Variants in ACP2 observed in about 807,000 individuals in gnomAD.
The protein encoded by ACP2 is acid phosphatase 2, lysosomal.
Under a neutral mutation model 54.7 loss-of-function variants are expected in ACP2, and 35 were observed. The observed-to-expected ratio is 0.64, with a 90% CI of 0.49 to 0.85. The LOEUF is 0.85. Among genes scored for constraint, ACP2 ranks in the 40% least tolerant of loss-of-function variants. ACP2 has a pLI of 0.00. For missense variants in ACP2, 492 were observed against 565.0 expected (o/e 0.87, Z 1.31); for synonymous variants, 210 against 224.4 (o/e 0.94, Z 0.57).
intron 1 of ACP2, 31 bp downstream of exon 1, chr11:47,248,645 G>A: frequency 1.9e-6 from 3 of 1,592,358 alleles, no homozygotes; most frequent in Non-Finnish European, 2.6e-6. Context: ...TTAGCTTCAG[G>A]GAAGTCTTTG....
At chr11:47,248,443 T>C in intron 1 of ACP2, 1 of 1,542,174 alleles carries the variant, frequency 6.5e-7, no homozygotes, top group Non-Finnish European at 8.7e-7. Context: ...TAGGGATGAG[T>C]CTTAACCATT....
intron 8 of ACP2, 22 bp downstream of exon 8, chr11:47,243,217 G>T: frequency 6.2e-7 from 1 of 1,613,970 alleles, no homozygotes; most frequent in Non-Finnish European, 8.5e-7. Context: ...GACACAGCAC[G>T]CTAGGGAGCG....
chr11:47,241,103 G>A (rs1953864641), intron 10 of ACP2, among the ~76,000 whole-genome samples: 1 of 152,244 alleles, frequency 6.6e-6, no homozygotes, highest in Admixed American at 6.5e-5. Flanking sequence ...GATGGGGCAG[G>A]AGACCAGATG....
rs750069521 is a variant in ACP2 at position 47,240,136 on chromosome 11, C to T, written c.1252G>A (p.Asp418Asn). 1.9e-6 allele frequency: 3 copies of T among 1,613,820 alleles called. No individual in the cohort carries two copies. Among genetic ancestry groups the T allele is most frequent in the African/African-American group, 2.7e-5 (2 of 74,940 alleles). Reference protein sequence around the residue: ...AQPPGYRHVADGEDHA With the variant: ...AQPPGYRHVANGEDHA ...GGTTGTCAGGCGTGGTCCTCCCCAT[C>T]TGCGACGTGGCGGTAGCCAGGAGGC... The change falls in exon 11 of 11, where the codon GAT becomes AAT. Residue 418 changes from aspartate to asparagine, a missense_variant. Physicochemically the swap from Asp to Asn is conservative, Grantham distance 23 (BLOSUM62 1). Coordinates refer to ENST00000672073, the MANE Select transcript of ACP2 (RefSeq NM_001610.4).
At chr11:47,246,019 C>T (rs1181092769) in intron 3 of ACP2, among the ~76,000 whole-genome samples, 185 bp from the exon 4 acceptor site, 1 of 152,176 alleles carries the variant, frequency 6.6e-6, no homozygotes, top group African/African-American at 2.4e-5. Flanking sequence ...ACTAAACCTA[C>T]CATACATCTG....
At chr11:47,244,167 G>C (rs1472024822) in intron 7 of ACP2, among the ~76,000 whole-genome samples, 1 of 152,010 alleles carries the variant, frequency 6.6e-6, no homozygotes, top group African/African-American at 2.4e-5. Flanking sequence ...GGCGGCTCAT[G>C]CCTGTAATCC....
chr11:47,246,567 C>T (rs1426971449), intron 3 of ACP2, among the ~76,000 whole-genome samples: 1 of 151,752 alleles, frequency 6.6e-6, no homozygotes, highest in Non-Finnish European at 1.5e-5. Context: ...AGAGTGAGAC[C>T]CCTTTAAAAT....
intron 10 of ACP2, among the ~76,000 whole-genome samples, chr11:47,240,712 T>G (rs755165593): frequency 1.1e-4 from 16 of 151,604 alleles, no homozygotes; most frequent in Non-Finnish European, 1.9e-4. Flanking sequence ...TCCCAACTAC[T>G]CGGGAGGCTG....
intron 3 of ACP2, among the ~76,000 whole-genome samples, chr11:47,246,421 AT>A (rs1222516734): frequency 6.6e-6 from 1 of 150,910 alleles, no homozygotes; most frequent in Non-Finnish European, 1.5e-5. Context: ...ACAAAAAAAA[AT>A]TTTTTAATTA....
chr11:47,242,674 T>C, intron 10 of ACP2, 49 bp downstream of exon 10: 1 of 1,579,046 alleles, frequency 6.3e-7, no homozygotes, highest in Non-Finnish European at 8.6e-7. Context: ...GGATGTGAAC[T>C]GCAGGCTGGT....
chr11:47,244,689 C>G (rs770087101), intron 7 of ACP2, 46 bp downstream of exon 7: 1 of 1,499,026 alleles, frequency 6.7e-7, no homozygotes, highest in African/African-American at 1.4e-5. Flanking sequence ...TTTTTAACGC[C>G]TTAGGGTCCT....
At chr11:47,246,840 C>A (rs570801476) in intron 3 of ACP2, among the ~76,000 whole-genome samples, 11 of 152,138 alleles carry the variant, frequency 7.2e-5, no homozygotes, top group African/African-American at 2.6e-4. Flanking sequence ...CATGTCACTG[C>A]ACTCCAGCCT....
chr11:47,248,009 T>A (rs1954268506), intron 2 of ACP2, 29 bp downstream of exon 2: 1 of 1,553,562 alleles, frequency 6.4e-7, no homozygotes, highest in Non-Finnish European at 8.7e-7. Context: ...CTGCAGCTCA[T>A]CCTGAGGAAA....
intron 3 of ACP2, among the ~76,000 whole-genome samples, chr11:47,247,177 AAAGAC>A (rs1954161796): frequency 6.6e-6 from 1 of 152,132 alleles, no homozygotes; most frequent in African/African-American, 2.4e-5. Context: ...TTGATCAAGA[AAAGAC>A]AAGCCCTCTC....
chr11:47,240,348 G>A, intron 10 of ACP2, 99 bp from the exon 11 acceptor site: 2 of 668,420 alleles, frequency 3.0e-6, no homozygotes, highest in East Asian at 2.7e-5. Flanking sequence ...GGCCAAGACA[G>A]AGTCCCTGCT....
Position 47,248,143 on chromosome 11 carries a change from TA to T in ACP2, c.115-11del. ...CTCCATGGCGGTACAGCTGAGAGAA[TA>T]AAATGGTTTGCCTATAGGTCAGAAG... On this transcript the variant is annotated splice_polypyrimidine_tract_variant and intron_variant, in intron 1 of 10. Transcript: ENST00000672073. 1 of 1,591,014 alleles carries T rather than the reference TA, an allele frequency of 6.3e-7. No homozygotes were observed.
Position 47,243,136 on chromosome 11 carries a change from A to G in ACP2, c.856-12T>C, listed in dbSNP as rs774260002. On this transcript the variant is annotated splice_polypyrimidine_tract_variant and intron_variant, in intron 8 of 10. Transcript: ENST00000672073. ...AGGGTAGTGTCGTGCTGCGGGGGAG[A>G]GGGGCTGCCCGTCAGCATTGTTCCC... 6.2e-7 allele frequency: 1 copy of G among 1,613,770 alleles called. No individual in the cohort carries two copies. Among genetic ancestry groups the G allele is most frequent in the South Asian group, 1.1e-5 (1 of 91,074 alleles).
At chr11:47,243,641 G>T (rs1953954131) in intron 7 of ACP2, among the ~76,000 whole-genome samples, 1 of 152,188 alleles carries the variant, frequency 6.6e-6, no homozygotes, top group Non-Finnish European at 1.5e-5. Flanking sequence ...CAGCGGGTGG[G>T]TGCATGCCCG....
chr11:47,246,977 A>C (rs1320783432), intron 3 of ACP2, among the ~76,000 whole-genome samples: 1 of 152,150 alleles, frequency 6.6e-6, no homozygotes, highest in Non-Finnish European at 1.5e-5. Flanking sequence ...GCTGGGCCTT[A>C]AGAGAACAAT....
Sources: allele counts gnomAD v4.1 joint callset (sites outside exome capture counted in the v4.1 genomes callset), GRCh38; gene constraint gnomAD v4.1.1; transcripts MANE v1.5; gene names NCBI Gene and HGNC (gene_info 2026-07-23, HGNC 2026-07-21).